ADAMTSL1: variants seen among roughly 807,000 people sequenced by gnomAD.
The protein encoded by ADAMTSL1 is ADAMTS like 1, also known as ADAMTS-like protein 1.
Under a neutral mutation model 201.8 loss-of-function variants are expected in ADAMTSL1, and 126 were observed. The observed-to-expected ratio is 0.62, with a 90% CI of 0.54 to 0.72. The LOEUF (loss-of-function observed/expected upper bound fraction) is 0.72, where lower values mean the gene tolerates loss of function less well. Among genes scored for constraint, ADAMTSL1 ranks in the 30% least tolerant of loss-of-function variants. ADAMTSL1 has a pLI of 0.00. For missense variants in ADAMTSL1, 2,679 were observed against 2,277.8 expected, an observed-to-expected ratio of 1.18 and a Z score of -3.59; for synonymous variants, 1,121 against 903.4, an observed-to-expected ratio of 1.24 and a Z score of -4.32.
Position 18,653,130 on chromosome 9 carries a change from C to T in ADAMTSL1, c.835-4509C>T, listed in dbSNP as rs564460145. Among the ~76,000 whole-genome samples the T allele has an allele frequency of 4.4e-4, 67 of 152,322 alleles. 1 individual carries two copies. The Middle Eastern group carries it at 0.041, about 93-fold the overall frequency. On this transcript the variant is annotated intron_variant, in intron 7 of 28. Coordinates refer to ENST00000380548, the MANE Select transcript of ADAMTSL1 (RefSeq NM_001040272.6). Reference sequence around the variant, plus strand: ...ATACTGCATTTCTTGTTAGATTTCACACATTATTTTGCCCATCACACAGCT... The same window carrying T: ...ATACTGCATTTCTTGTTAGATTTCATACATTATTTTGCCCATCACACAGCT...
intron 2 of ADAMTSL1, among the ~76,000 whole-genome samples, chr9:18,359,183 A>T (rs1458159508): frequency 6.6e-6 from 1 of 152,136 alleles, no homozygotes; most frequent in East Asian, 1.9e-4. Context: ...TTAGTACAAA[A>T]TAAGCTCTGG....
chr9:18,523,619 T>G (rs987650548), intron 2 of ADAMTSL1, among the ~76,000 whole-genome samples: 5 of 151,192 alleles, frequency 3.3e-5, no homozygotes, highest in Non-Finnish European at 7.4e-5. Context: ...AATTTTTGTA[T>G]AAGGTGTAAG....
At chr9:17,967,780 T>TA (rs769940344) in intron 1 of ADAMTSL1, among the ~76,000 whole-genome samples, 1 of 152,246 alleles carries the variant, frequency 6.6e-6, no homozygotes, top group Non-Finnish European at 1.5e-5. Flanking sequence ...TTTTGGTTCT[T>TA]ATAGTAAATA....
chr9:18,777,972 TA>T, intron 19 of ADAMTSL1, 66 bp downstream of exon 19: 2 of 1,504,366 alleles, frequency 1.3e-6, no homozygotes, highest in Non-Finnish European at 1.8e-6. Flanking sequence ...CAAGTCACAC[TA>T]CTTACACATT....
chr9:18,844,428 G>A (rs1367246017), intron 23 of ADAMTSL1, among the ~76,000 whole-genome samples: 2 of 152,170 alleles, frequency 1.3e-5, no homozygotes, highest in Non-Finnish European at 2.9e-5. Context: ...GGCCGTGTAA[G>A]GTGTCAGTCT....
intron 3 of ADAMTSL1, among the ~76,000 whole-genome samples, chr9:18,570,049 A>G (rs1822194618): frequency 6.6e-6 from 1 of 152,116 alleles, no homozygotes; most frequent in Non-Finnish European, 1.5e-5. Flanking sequence ...CAGTTAGGTT[A>G]TCAGTTTCTA....
At chr9:18,173,959 A>G (rs1363275864) in intron 2 of ADAMTSL1, among the ~76,000 whole-genome samples, 1 of 152,140 alleles carries the variant, frequency 6.6e-6, no homozygotes, top group Admixed American at 6.5e-5. Context: ...GTTAGTCACC[A>G]CTTAGAGTTA....
intron 15 of ADAMTSL1, among the ~76,000 whole-genome samples, chr9:18,737,319 CAAAAA>C (rs59511409): frequency 4.1e-4 from 22 of 53,672 alleles, no homozygotes; most frequent in African/African-American, 8.5e-4. Flanking sequence ...AACTCTGTCT[CAAAAA>C]AAAAAAAAAA....
chr9:18,267,892 G>T (rs1203661665), intron 2 of ADAMTSL1, among the ~76,000 whole-genome samples: 2 of 151,844 alleles, frequency 1.3e-5, no homozygotes, highest in Non-Finnish European at 2.9e-5. Context: ...ATTTCTTAGA[G>T]ATTTTACTTT....
intron 1 of ADAMTSL1, among the ~76,000 whole-genome samples, chr9:18,010,652 G>C (rs1451250972): frequency 6.6e-6 from 1 of 151,930 alleles, no homozygotes; most frequent in Non-Finnish European, 1.5e-5. Context: ...GCTCAGCCCA[G>C]ACAATGGACA....
chr9:18,029,585 G>C (rs1314109580), intron 1 of ADAMTSL1, among the ~76,000 whole-genome samples: 2 of 152,104 alleles, frequency 1.3e-5, no homozygotes, highest in Non-Finnish European at 2.9e-5. Context: ...CACAGCAAAA[G>C]AAACTACCAT....
At chr9:18,557,346 C>G (rs567624370) in intron 3 of ADAMTSL1, among the ~76,000 whole-genome samples, 1 of 152,002 alleles carries the variant, frequency 6.6e-6, no homozygotes, top group Non-Finnish European at 1.5e-5. Context: ...AGACTTGGAG[C>G]TTTCTCTCAG....
intron 1 of ADAMTSL1, among the ~76,000 whole-genome samples, chr9:17,936,333 C>T (rs1052608482): frequency 6.6e-6 from 1 of 152,102 alleles, no homozygotes; most frequent in African/African-American, 2.4e-5. Flanking sequence ...TTTGTCTCTA[C>T]CTGCTAGGCA....
intron 2 of ADAMTSL1, among the ~76,000 whole-genome samples, chr9:18,385,073 C>G (rs568446639): frequency 2.9e-4 from 44 of 152,300 alleles, no homozygotes; most frequent in African/African-American, 9.4e-4. Flanking sequence ...TTCCTTCCCT[C>G]CCAGAGCACA....
intron 2 of ADAMTSL1, among the ~76,000 whole-genome samples, chr9:18,515,590 C>T (rs1024088970): frequency 9.9e-5 from 15 of 152,152 alleles, no homozygotes; most frequent in African/African-American, 7.2e-5. Flanking sequence ...TCACCTTGGC[C>T]TCCCAAAGTG....
chr9:17,993,784 C>T (rs1358499632), intron 1 of ADAMTSL1, among the ~76,000 whole-genome samples: 5 of 152,112 alleles, frequency 3.3e-5, no homozygotes, highest in Admixed American at 3.3e-4. Context: ...TTTTCTTTGG[C>T]ATTTACAAAT....
intron 2 of ADAMTSL1, among the ~76,000 whole-genome samples, chr9:18,279,147 C>T (rs963020918): frequency 2.0e-5 from 3 of 151,926 alleles, no homozygotes; most frequent in African/African-American, 7.3e-5. Flanking sequence ...TACAGTTGTC[C>T]CTCAGTATAC....
chr9:18,776,038 G>T (rs1256050702), intron 18 of ADAMTSL1, 142 bp downstream of exon 18: 2 of 1,157,438 alleles, frequency 1.7e-6, no homozygotes, highest in Non-Finnish European at 2.4e-6. Context: ...GCAGGCAGGA[G>T]AGCTCAGCTG....
At chr9:18,527,194 C>T (rs1372404645) in intron 2 of ADAMTSL1, among the ~76,000 whole-genome samples, 1 of 152,174 alleles carries the variant, frequency 6.6e-6, no homozygotes, top group African/African-American at 2.4e-5. Context: ...TGCCATAAGT[C>T]CGTATTTGAA....
Sources: gnomAD v4.1 joint callset for allele counts (sites outside exome capture counted in the v4.1 genomes callset) on GRCh38, gnomAD v4.1.1 for gene constraint, MANE v1.5 for transcripts, NCBI Gene and HGNC (gene_info 2026-07-23, HGNC 2026-07-21) for gene names.